The following PHLDB1 variants were observed in gnomAD, a reference collection of about 807,000 sequenced individuals.
The protein encoded by PHLDB1 is pleckstrin homology-like domain family B member 1.
PHLDB1 carries 65 observed loss-of-function variants against 139.3 expected under a neutral mutation model. The observed-to-expected ratio is 0.47, with a 90% CI of 0.38 to 0.57. The LOEUF is 0.57. Ranked by LOEUF, PHLDB1 falls within the 20% of genes least tolerant of loss-of-function variation. The pLI is 0.00. For missense variants in PHLDB1, 1,624 were observed against 1,839.7 expected (o/e 0.88, Z 2.14); for synonymous variants, 679 against 734.5 (o/e 0.92, Z 1.22).
At chr11:118,609,389 ACAGCCCAGCTGACACACG>A (rs1374776218) in intron 1 of PHLDB1, among the ~76,000 whole-genome samples, 11 of 141,602 alleles carry the variant, frequency 7.8e-5, no homozygotes, top group Non-Finnish European at 1.7e-4. Flanking sequence ...AGCTCAATAC[ACAGCCCAGCTGACACACG>A]CAGCCCAGCT....
At chr11:118,618,565 G>T (rs1406530957) in intron 4 of PHLDB1, among the ~76,000 whole-genome samples, 1 of 152,048 alleles carries the variant, frequency 6.6e-6, no homozygotes, top group Non-Finnish European at 1.5e-5. Flanking sequence ...TGTGTTTATC[G>T]ATCAGTGTGT....
In PHLDB1 at chr11:118,610,524, C is replaced by T; in HGVS notation, c.-22+2825C>T. 2.0e-6 allele frequency: 2 copies of T among 977,226 alleles called. No homozygotes were observed. The highest frequency in any genetic ancestry group is 1.2e-6 in the Non-Finnish European group (1 of 822,392). 60.5% of individuals were successfully genotyped at this position (977,226 alleles called of 1,614,324 possible). On this transcript the variant is annotated intron_variant, in intron 1 of 22. Coordinates refer to ENST00000600882, the MANE Select transcript of PHLDB1 (RefSeq NM_001144758.3). This position sits in a 1 kb window ranked among gnomAD's most constrained non-coding sequence, Gnocchi z 8.7. The stretch of plus-strand genomic sequence containing the variant: ...AGGCCGAGGCCGACCCCCAGGGACA[C>T]AGGTGAGGCCGGGCGACCCGCGGGG...
intron 9 of PHLDB1, 40 bp from the exon 10 acceptor site, chr11:118,635,353 T>C (rs782149884): frequency 6.5e-7 from 1 of 1,531,918 alleles, no homozygotes; most frequent in South Asian, 1.3e-5. Flanking sequence ...AGAGTGGCAT[T>C]GCAAGCACCA....
chr11:118,656,566 A>T lies in PHLDB1; in HGVS notation c.3994-117A>T, dbSNP rs1949098691. ...GGTCTAGGCTCTGGACCTATTTAGG[A>T]CTAAGCTCCAGGGCTTTCTAGGGGC... is the stretch of plus-strand genomic sequence containing the variant. On this transcript the variant is annotated intron_variant, in intron 22 of 22. Transcript: ENST00000600882. The T allele has an allele frequency of 4.2e-6, 4 of 949,516 alleles. No individual in the cohort carries two copies. The Admixed American group carries it at 6.5e-5, about 15-fold the overall frequency. 58.8% of individuals were successfully genotyped at this position (949,516 alleles called of 1,614,324 possible). A position where few individuals can be genotyped will look rare whatever the true frequency, so the allele number is the denominator to read the frequency against.
In PHLDB1 at chr11:118,656,777, A is replaced by G; in HGVS notation, c.4088A>G (p.Asp1363Gly). The G allele has an allele frequency of 6.2e-7, 1 of 1,614,014 alleles. No homozygotes were observed. The highest frequency in any genetic ancestry group is 8.5e-7 in the Non-Finnish European group (1 of 1,179,892). The change falls in exon 23 of 23, where the codon GAT (aspartate) becomes GGT (glycine). Residue 1363 changes from aspartate (D) to glycine (G), a missense_variant. By Grantham distance (94) the Asp-to-Gly change is moderately conservative. Coordinates refer to ENST00000600882, the MANE Select transcript of PHLDB1 (RefSeq NM_001144758.3). ...PSAEAMRIWM[D>G]VIVTGAEGYT... ...GCAGAGGCCATGCGTATCTGGATGGATGTCATTGTCACAGGGGCTGAGGGC... is the reference window on the plus strand; with the variant it reads ...GCAGAGGCCATGCGTATCTGGATGGGTGTCATTGTCACAGGGGCTGAGGGC...
chr11:118,645,930 C>G lies in PHLDB1; in HGVS notation c.3507+105C>G, dbSNP rs958083509. On this transcript the variant is annotated intron_variant, in intron 17 of 22. Transcript: ENST00000600882. The surrounding 1 kb of genome is among the most constrained non-coding windows in gnomAD (Gnocchi z 5.1). ...CCCCAAGCCCTTCCACCCACATTAGCCTTGCCACATTCCCTTGGGGTAGAA... is the reference window on the plus strand; with the variant it reads ...CCCCAAGCCCTTCCACCCACATTAGGCTTGCCACATTCCCTTGGGGTAGAA... The G allele has an allele frequency of 2.5e-6, 2 of 787,460 alleles. No individual in the cohort carries two copies. The highest frequency in any genetic ancestry group is 4.5e-6 in the Non-Finnish European group (2 of 440,088). 48.8% of individuals were successfully genotyped at this position (787,460 alleles called of 1,614,324 possible). A position where few individuals can be genotyped will look rare whatever the true frequency, so the allele number is the denominator to read the frequency against.
rs1942341406 is a variant in PHLDB1, at chr11:118,619,554, T to C, written c.355+3343T>C. ...GCAAGGCTCCCAGCTTCCCACTTCTTTGTGTCTGCCTCCTGCCCTATTTCT... is the reference window on the plus strand; with the variant it reads ...GCAAGGCTCCCAGCTTCCCACTTCTCTGTGTCTGCCTCCTGCCCTATTTCT... On this transcript the variant is annotated intron_variant, in intron 4 of 22. Coordinates refer to ENST00000600882, the MANE Select transcript of PHLDB1 (RefSeq NM_001144758.3). Among the ~76,000 whole-genome samples the C allele has an allele frequency of 1.3e-5, 2 of 152,226 alleles. 1 individual carries two copies. Among genetic ancestry groups the C allele is most frequent in the South Asian group, 4.1e-4 (2 of 4,828 alleles).
intron 6 of PHLDB1, 87 bp downstream of exon 6, chr11:118,628,737 C>A: frequency 7.5e-7 from 1 of 1,333,820 alleles, no homozygotes; most frequent in Non-Finnish European, 1.0e-6. Context: ...GCAGGAGAGG[C>A]CCTCAAACAG....
At chr11:118,630,634 G>A (rs1555109076) in intron 6 of PHLDB1, among the ~76,000 whole-genome samples, 1 of 152,122 alleles carries the variant, frequency 6.6e-6, no homozygotes. Flanking sequence ...GTGCATCAGT[G>A]TGCATTTGTG....
At chr11:118,648,928 C>T (rs1306288505) in intron 18 of PHLDB1, among the ~76,000 whole-genome samples, 1 of 152,134 alleles carries the variant, frequency 6.6e-6, no homozygotes, top group African/African-American at 2.4e-5. Context: ...TCCCTCATTT[C>T]CTACAGTGCA....
chr11:118,639,141 T>G (rs1555118063), intron 11 of PHLDB1, 21 bp from the exon 12 acceptor site: 1 of 1,611,402 alleles, frequency 6.2e-7, no homozygotes, highest in Non-Finnish European at 8.5e-7. Flanking sequence ...CCTCTTTGAC[T>G]CTGCCATTCT....
chr11:118,613,798 T>C lies in PHLDB1; in HGVS notation c.-21-18T>C, dbSNP rs1555085970. On this transcript the variant is annotated intron_variant, in intron 1 of 22. Transcript: ENST00000600882. ...TGCCCTGGCCTCCCCACTCACCACC[T>C]TTCTGCTGTGTCCCTAGGAGCTCTG... is the stretch of plus-strand genomic sequence containing the variant. 1 of 1,572,528 alleles carries C rather than the reference T, an allele frequency of 6.4e-7. No individual in the cohort carries two copies. The highest frequency in any genetic ancestry group is 1.1e-5 in the South Asian group (1 of 89,628).
rs971062811 is a variant in PHLDB1 at position 118,644,799 on chromosome 11, G to C, written c.3122-557G>C. The C allele has an allele frequency of 2.3e-5, 15 of 652,526 alleles. No homozygotes were observed. The African/African-American group carries it at 2.8e-4, about 12-fold the overall frequency. The allele number at this position is 652,526 out of a possible 1,614,324, so 40.4% of individuals were successfully genotyped here. A position where few individuals can be genotyped will look rare whatever the true frequency, so the allele number is the denominator to read the frequency against. ...CCACTGCCTGCAGGCAGGGTCCCAGGCTGAGCTGGGTTGGGGTGTCTGCTG... is the reference window on the plus strand; with the variant it reads ...CCACTGCCTGCAGGCAGGGTCCCAGCCTGAGCTGGGTTGGGGTGTCTGCTG... On this transcript the variant is annotated intron_variant, in intron 15 of 22. Coordinates refer to ENST00000600882, the MANE Select transcript of PHLDB1 (RefSeq NM_001144758.3).
intron 9 of PHLDB1, chr11:118,634,625 C>G (rs1327283646): frequency 1.5e-5 from 3 of 199,396 alleles, no homozygotes; most frequent in African/African-American, 7.1e-5. Flanking sequence ...GTTACCTCAT[C>G]CCCTGCACCT....
rs1413303396 is a variant in PHLDB1 at position 118,629,622 on chromosome 11, A to T, written c.1827+972A>T. ...AGATGCTTTTGGAAGAGGTTGGGAC[A>T]GTTTTGGATGAGGGTATAGGATTGT... is the stretch of plus-strand genomic sequence containing the variant. On this transcript the variant is annotated intron_variant, in intron 6 of 22. Coordinates refer to ENST00000600882, the MANE Select transcript of PHLDB1 (RefSeq NM_001144758.3). Among the ~76,000 whole-genome samples the T allele has an allele frequency of 2.0e-5, 3 of 152,362 alleles. 1 individual carries two copies. Among genetic ancestry groups the T allele is most frequent in the African/African-American group, 4.8e-5 (2 of 41,586 alleles).
intron 6 of PHLDB1, among the ~76,000 whole-genome samples, chr11:118,630,758 G>A (rs782579762): frequency 1.1e-4 from 16 of 151,992 alleles, no homozygotes; most frequent in Non-Finnish European, 2.1e-4. Flanking sequence ...CCTTGTGTCT[G>A]TAGATCTGTG....
chr11:118,646,126 G>A (rs570976023), intron 17 of PHLDB1, among the ~76,000 whole-genome samples: 1 of 152,174 alleles, frequency 6.6e-6, no homozygotes, highest in African/African-American at 2.4e-5. Context: ...TGGGCGTGGT[G>A]GCAGGCGCCT....
At chr11:118,612,223 T>C (rs1351182507) in intron 1 of PHLDB1, among the ~76,000 whole-genome samples, 1 of 152,210 alleles carries the variant, frequency 6.6e-6, no homozygotes, top group Non-Finnish European at 1.5e-5. Flanking sequence ...TCTAGGATCT[T>C]ATAGCTAATA....
intron 4 of PHLDB1, among the ~76,000 whole-genome samples, chr11:118,619,290 C>T (rs1942286384): frequency 6.6e-6 from 1 of 152,204 alleles, no homozygotes; most frequent in Non-Finnish European, 1.5e-5. Flanking sequence ...CAGTCTCCTT[C>T]ATTCCCTAAG....
Sources: gnomAD v4.1 joint callset for allele counts (sites outside exome capture counted in the v4.1 genomes callset) on GRCh38, gnomAD v4.1.1 for gene constraint, Gnocchi (gnomAD v3.1) non-coding constraint, MANE v1.5 for transcripts, NCBI Gene and HGNC (gene_info 2026-07-23, HGNC 2026-07-21) for gene names.